The following TRIM42 variants were observed in gnomAD, a reference collection of about 807,000 sequenced individuals.
TRIM42 encodes tripartite motif containing 42.
Under a neutral mutation model 64.9 loss-of-function variants are expected in TRIM42, and 59 were observed. The observed-to-expected ratio is 0.91, with a 90% CI of 0.74 to 1.13. TRIM42 has a LOEUF of 1.13. Among genes scored for constraint, TRIM42 ranks in the 50% most tolerant of loss-of-function variants. TRIM42 has a pLI of 0.00. For synonymous variants in TRIM42, 354 were observed against 346.3 expected (o/e 1.02, Z -0.25); for missense variants, 878 against 929.5 (o/e 0.94, Z 0.72).
Position 140,678,391 on chromosome 3 carries a change from C to G in TRIM42, c.162C>G (p.His54Gln). Residue 54 changes from histidine (H) to glutamine (Q), a missense_variant, in exon 1 of 5, where the codon CAC becomes CAG. Coordinates refer to ENST00000286349, the MANE Select transcript of TRIM42 (RefSeq NM_152616.5). ...ATGAGCGGAACTGCCAGTTCTGCCA[C>G]TGCACCTGTTCTGAGAGCCCCAACT... is the stretch of plus-strand genomic sequence containing the variant. ...YKDERNCQFCHCTCSESPNCH... is the reference protein window; with the variant it reads ...YKDERNCQFCQCTCSESPNCH... 1 of 1,614,240 alleles carries G rather than the reference C, an allele frequency of 6.2e-7. No individual in the cohort carries two copies. Among genetic ancestry groups the G allele is most frequent in the South Asian group, 1.1e-5 (1 of 91,084 alleles).
At chr3:140,686,755 G>A (rs775397266) in intron 2 of TRIM42, among the ~76,000 whole-genome samples, 14 of 152,276 alleles carry the variant, frequency 9.2e-5, no homozygotes, top group Non-Finnish European at 1.9e-4. Flanking sequence ...AACCTTACCC[G>A]TAGCATAGAC....
intron 4 of TRIM42, among the ~76,000 whole-genome samples, chr3:140,692,166 ACT>A (rs1258948644): frequency 1.3e-5 from 2 of 148,588 alleles, no homozygotes; most frequent in Non-Finnish European, 3.0e-5. Flanking sequence ...TCTCTCTCTC[ACT>A]CTCTCATTCT....
intron 2 of TRIM42, 51 bp from the exon 3 acceptor site, chr3:140,687,671 A>C: frequency 7.1e-7 from 1 of 1,402,128 alleles, no homozygotes; most frequent in Non-Finnish European, 9.7e-7. Flanking sequence ...ACTGACTTTG[A>C]CACCTGGGGA....
At chr3:140,680,212 G>A (rs912147798) in intron 1 of TRIM42, among the ~76,000 whole-genome samples, 3 of 152,088 alleles carry the variant, frequency 2.0e-5, no homozygotes, top group Admixed American at 6.5e-5. Context: ...GATGGGCAGG[G>A]ATGCTACCAC....
intron 4 of TRIM42, among the ~76,000 whole-genome samples, chr3:140,696,588 C>T (rs1287393639): frequency 2.0e-5 from 3 of 152,202 alleles, no homozygotes; most frequent in African/African-American, 7.2e-5. Context: ...GTGGCTTAAA[C>T]AGAAATTAGT....
chr3:140,680,826 C>A, intron 1 of TRIM42: 1 of 391,800 alleles, frequency 2.6e-6, no homozygotes, highest in Non-Finnish European at 3.5e-6. Flanking sequence ...CCACTCCATT[C>A]CAATATACTT....
intron 4 of TRIM42, among the ~76,000 whole-genome samples, chr3:140,697,800 C>T (rs1988893947): frequency 6.6e-6 from 1 of 152,224 alleles, no homozygotes; most frequent in Non-Finnish European, 1.5e-5. Context: ...TCTCCTGCCT[C>T]AGCCTCCCTA....
At chr3:140,679,305 T>C (rs1387118394) in intron 1 of TRIM42, among the ~76,000 whole-genome samples, 15 of 152,198 alleles carry the variant, frequency 9.9e-5, no homozygotes, top group Non-Finnish European at 7.3e-5. Context: ...AATTATTCAT[T>C]TGGAGTGCTA....
chr3:140,700,349 A>C (rs1442681524), intron 4 of TRIM42, among the ~76,000 whole-genome samples: 1 of 152,184 alleles, frequency 6.6e-6, no homozygotes, highest in African/African-American at 2.4e-5. Flanking sequence ...TTTACAAATT[A>C]TATTATATTA....
chr3:140,688,059 C>T lies in TRIM42; in HGVS notation c.1377C>T (p.Thr459=), dbSNP rs767698883. 2 of 1,614,168 alleles carry T rather than the reference C, an allele frequency of 1.2e-6. No homozygotes were observed. Among genetic ancestry groups the T allele is most frequent in the African/African-American group, 1.3e-5 (1 of 75,024 alleles). ...ACCAGATCGAGGACGGCATCCAGAC[C>T]ACCTACAGGCCTGACCCACAGCTCC... ...LVDQIEDGIQ[T]TYRPDPQLRL... is the part of the protein sequence containing the mutation. The change falls in exon 3 of 5, where the codon ACC becomes ACT. Residue 459 remains threonine (T), a synonymous_variant. Transcript: ENST00000286349.
intron 4 of TRIM42, among the ~76,000 whole-genome samples, chr3:140,700,005 ACC>A (rs1423236585): frequency 6.6e-6 from 1 of 151,660 alleles, no homozygotes; most frequent in Non-Finnish European, 1.5e-5. Flanking sequence ...TACAAACCCC[ACC>A]CCCATTCTAT....
At chr3:140,679,613 C>A (rs1988309228) in intron 1 of TRIM42, among the ~76,000 whole-genome samples, 1 of 152,052 alleles carries the variant, frequency 6.6e-6, no homozygotes, top group African/African-American at 2.4e-5. Context: ...CACCCATGAC[C>A]CTCTCATAGT....
intron 2 of TRIM42, among the ~76,000 whole-genome samples, chr3:140,684,612 C>T (rs1010556178): frequency 2.6e-5 from 4 of 152,150 alleles, no homozygotes; most frequent in African/African-American, 9.7e-5. Context: ...TTCAGGAATA[C>T]CTTAATTTTT....
rs1032834483 is a variant in TRIM42, at chr3:140,682,962, G to T, written c.842G>T (p.Ser281Ile). 7.4e-6 allele frequency: 12 copies of T among 1,614,114 alleles called. No homozygotes were observed. In the Admixed American group the frequency reaches 1.5e-4, roughly 20 times the overall value. ...CAAGACCACGTCTTTGTGGACACCA[G>T]CGCCGAGGAACAGGACGAGAAGATC... is the stretch of plus-strand genomic sequence containing the variant. Reference protein sequence around the residue: ...AMQDHVFVDTSAEEQDEKICI... With the variant: ...AMQDHVFVDTIAEEQDEKICI... Residue 281 changes from serine to isoleucine, a missense_variant, in exon 2 of 5, where the codon AGC becomes ATC. By Grantham distance (142) the Ser-to-Ile change is moderately radical. Coordinates refer to ENST00000286349, the MANE Select transcript of TRIM42 (RefSeq NM_152616.5).
At chr3:140,682,272 C>T (rs1258531792) in intron 1 of TRIM42, among the ~76,000 whole-genome samples, 190 bp from the exon 2 acceptor site, 1 of 152,162 alleles carries the variant, frequency 6.6e-6, no homozygotes, top group African/African-American at 2.4e-5. Context: ...GGTTAACTGG[C>T]TTACCTGAGG....
At position 140,697,818 on chromosome 3, in the gene TRIM42, G is replaced by T. The variant is rs577251038; in HGVS notation, c.2086-3070G>T. Among the ~76,000 whole-genome samples, 219 of 151,958 alleles carry T rather than the reference G, an allele frequency of 1.4e-3. 1 individual carries two copies. The highest frequency in any genetic ancestry group is 5.0e-3 in the African/African-American group (209 of 41,452). ...CCTGCCTCAGCCTCCCTAGTAGCTG[G>T]GACTACAGGCGCCCGCCACCACGCC... is the stretch of plus-strand genomic sequence containing the variant. On this transcript the variant is annotated intron_variant, in intron 4 of 4. Coordinates refer to ENST00000286349, the MANE Select transcript of TRIM42 (RefSeq NM_152616.5).
Position 140,688,461 on chromosome 3 carries a change from G to T in TRIM42, c.1779G>T (p.Trp593Cys). The T allele has an allele frequency of 6.2e-7, 1 of 1,614,178 alleles. No homozygotes were observed. The highest frequency in any genetic ancestry group is 8.5e-7 in the Non-Finnish European group (1 of 1,180,050). ...SVQNSSSFHN[W>C]YSFNDGSVKT... The stretch of plus-strand genomic sequence containing the variant: ...AGAACAGCAGCAGCTTCCACAACTG[G>T]TACTCATTCAACGATGGCTCTGTGA... Residue 593 changes from tryptophan to cysteine, a missense_variant, in exon 3 of 5, where the codon TGG (tryptophan) becomes TGT (cysteine). Trp to Cys is a radical substitution (Grantham distance 215). Coordinates refer to ENST00000286349, the MANE Select transcript of TRIM42 (RefSeq NM_152616.5).
In TRIM42 at chr3:140,678,277, A is replaced by T. The variant is rs1327508840; in HGVS notation, c.48A>T (p.Arg16Ser). The T allele has an allele frequency of 6.2e-7, 1 of 1,614,162 alleles. No homozygotes were observed. The highest frequency in any genetic ancestry group is 8.5e-7 in the Non-Finnish European group (1 of 1,180,022). The change falls in exon 1 of 5, where the codon AGA (arginine) becomes AGT (serine). Residue 16 changes from arginine to serine, a missense_variant. Arg to Ser is a moderately radical substitution (Grantham distance 110, BLOSUM62 -1). Transcript: ENST00000286349. The stretch of plus-strand genomic sequence containing the variant: ...GCTGTCCATGTTGTACATGGCAGAG[A>T]TGTTGTCCTCAGTTATGCTCCTGTC... Reference protein sequence around the residue: ...CVCCPCCTWQRCCPQLCSCLC... With the variant: ...CVCCPCCTWQSCCPQLCSCLC...
At chr3:140,694,932 C>T (rs901965813) in intron 4 of TRIM42, among the ~76,000 whole-genome samples, 2 of 152,118 alleles carry the variant, frequency 1.3e-5, no homozygotes, top group African/African-American at 2.4e-5. Flanking sequence ...CCTGATAATT[C>T]AGGCTAGTCT....
Sources: gnomAD v4.1 joint callset for allele counts (sites outside exome capture counted in the v4.1 genomes callset) on GRCh38, gnomAD v4.1.1 for gene constraint, MANE v1.5 for transcripts, NCBI Gene and HGNC (gene_info 2026-07-23, HGNC 2026-07-21) for gene names.